Variants in CEP290 observed in about 807,000 individuals in gnomAD.
The protein encoded by CEP290 is centrosomal protein of 290 kDa.
In CEP290, 317 loss-of-function variants were observed where a neutral mutation model predicts 344.9. That is an observed-to-expected ratio of 0.92 (90% confidence interval 0.84 to 1.01). CEP290 has a LOEUF of 1.01. Ranked by LOEUF, CEP290 falls within the 50% of genes least tolerant of loss-of-function variation. The pLI, the probability that CEP290 is intolerant of heterozygous loss-of-function variation, is 0.00. For missense variants in CEP290, 2,754 were observed against 2,761.4 expected (o/e 1.00, Z 0.06); for synonymous variants, 932 against 895.8 (o/e 1.04, Z -0.72).
chr12:88,091,528 A>G (rs1207656135), intron 29 of CEP290, among the ~76,000 whole-genome samples: 1 of 152,282 alleles, frequency 6.6e-6, no homozygotes, highest in East Asian at 1.9e-4. Context: ...GAATAATTTT[A>G]GTTCAGTATT....
At chr12:88,051,999 C>T (rs1241135886) in intron 52 of CEP290, among the ~76,000 whole-genome samples, 3 of 152,118 alleles carry the variant, frequency 2.0e-5, no homozygotes, top group Non-Finnish European at 4.4e-5. Context: ...TCCTAGCTGG[C>T]TTAGGGAATG....
chr12:88,121,873 T>C (rs79334042), intron 13 of CEP290, among the ~76,000 whole-genome samples: 1 of 152,264 alleles, frequency 6.6e-6, no homozygotes, highest in Non-Finnish European at 1.5e-5. Flanking sequence ...TAAATTATTG[T>C]ATTATGCTTG....
At chr12:88,132,085 C>A (rs971614737) in intron 6 of CEP290, among the ~76,000 whole-genome samples, 5 of 152,158 alleles carry the variant, frequency 3.3e-5, no homozygotes, top group African/African-American at 1.2e-4. Context: ...ATACAGAGTT[C>A]TTAGAAAAAT....
Position 88,111,285 on chromosome 12 carries a change from C to T in CEP290, c.2284G>A (p.Gly762Arg), listed in dbSNP as rs1355023474. 1.3e-6 allele frequency: 2 copies of T among 1,557,092 alleles called. No individual in the cohort carries two copies. Among genetic ancestry groups the T allele is most frequent in the South Asian group, 2.4e-5 (2 of 82,988 alleles). The change falls in exon 22 of 54, where the codon GGA (glycine) becomes AGA (arginine). Residue 762 changes from glycine to arginine, a missense_variant. Gly to Arg is a moderately radical substitution (Grantham distance 125). Coordinates refer to ENST00000552810, the MANE Select transcript of CEP290 (RefSeq NM_025114.4). ...GCTATCCCATCAGGTAAGTCAATTCCTTTAAAAACAACATTTGATCCTTCT... is the reference window on the plus strand; with the variant it reads ...GCTATCCCATCAGGTAAGTCAATTCTTTTAAAAACAACATTTGATCCTTCT... ...QSEGSNVVFK[G>R]IDLPDGIAPS...
At chr12:88,093,268 A>T (rs957261271) in intron 28 of CEP290, among the ~76,000 whole-genome samples, 1 of 152,144 alleles carries the variant, frequency 6.6e-6, no homozygotes, top group Non-Finnish European at 1.5e-5. Flanking sequence ...AAGGTAAGCA[A>T]ACACTGTAAG....
chr12:88,104,700 G>A (rs2038144986), intron 25 of CEP290, among the ~76,000 whole-genome samples: 2 of 151,982 alleles, frequency 1.3e-5, no homozygotes, highest in African/African-American at 4.8e-5. Flanking sequence ...TACATTCTCA[G>A]CAAGATATAT....
At chr12:88,104,431 C>A (rs2038123838) in intron 25 of CEP290, among the ~76,000 whole-genome samples, 1 of 151,704 alleles carries the variant, frequency 6.6e-6, no homozygotes, top group Non-Finnish European at 1.5e-5. Flanking sequence ...GTTTATGTTT[C>A]CAAAAAGGAA....
chr12:88,123,541 A>G (rs1565904817), intron 13 of CEP290, among the ~76,000 whole-genome samples: 1 of 151,942 alleles, frequency 6.6e-6, no homozygotes, highest in Non-Finnish European at 1.5e-5. Context: ...AGGGCTCTCC[A>G]TACTCCTGCT....
In CEP290 at chr12:88,111,344, T is replaced by C. The variant is rs924082284; in HGVS notation, c.2225A>G (p.His742Arg). ...QLAKANLKID[H>R]LEKETSLLRQ... ...TAAAAGACTAGTTTCTTTTTCAAGATGGTCTATCTGGAAAAAAAAATCCAG... is the reference window on the plus strand; with the variant it reads ...TAAAAGACTAGTTTCTTTTTCAAGACGGTCTATCTGGAAAAAAAAATCCAG... The change falls in exon 22 of 54, where the codon CAT becomes CGT. Residue 742 changes from histidine to arginine, a missense_variant. His to Arg is a conservative substitution (Grantham distance 29). Transcript: ENST00000552810. The C allele has an allele frequency of 7.7e-6, 12 of 1,561,676 alleles. No homozygotes were observed. The highest frequency in any genetic ancestry group is 9.5e-6 in the Non-Finnish European group (11 of 1,155,906).
At chr12:88,087,517 A>G (rs933301153) in intron 32 of CEP290, among the ~76,000 whole-genome samples, 1 of 151,780 alleles carries the variant, frequency 6.6e-6, no homozygotes, top group Non-Finnish European at 1.5e-5. Context: ...TCAGGAGATC[A>G]AGACCATCCT....
chr12:88,088,917 C>T (rs576633569), intron 31 of CEP290, 115 bp downstream of exon 31: 8 of 633,702 alleles, frequency 1.3e-5, no homozygotes, highest in African/African-American at 1.1e-4. Flanking sequence ...GAGGCTGAGG[C>T]TAGAGAGTCC....
intron 6 of CEP290, among the ~76,000 whole-genome samples, chr12:88,134,710 A>G (rs1172468324): frequency 6.6e-6 from 1 of 152,204 alleles, no homozygotes; most frequent in Non-Finnish European, 1.5e-5. Context: ...ACTATCTCAT[A>G]TGACAAGTAT....
intron 30 of CEP290, among the ~76,000 whole-genome samples, chr12:88,090,505 C>T (rs2036944416): frequency 6.6e-6 from 1 of 152,124 alleles, no homozygotes; most frequent in Admixed American, 6.5e-5. Context: ...TGGCACGTGC[C>T]TGTAGTCCCA....
chr12:88,089,589 CAGT>C, intron 30 of CEP290, 102 bp from the exon 31 acceptor site: 1 of 793,380 alleles, frequency 1.3e-6, no homozygotes, highest in South Asian at 2.8e-5. Flanking sequence ...AGTTTTAACA[CAGT>C]GGCACATGAG....
intron 41 of CEP290, among the ~76,000 whole-genome samples, 158 bp from the exon 42 acceptor site, chr12:88,072,084 C>T (rs1376746984): frequency 9.2e-5 from 14 of 152,116 alleles, no homozygotes; most frequent in South Asian, 2.1e-4. Context: ...GTATCCCTTA[C>T]GAAACGCTTG....
Position 88,107,110 on chromosome 12 carries a change from A to C in CEP290, c.2484-12T>G. 6.9e-7 allele frequency: 1 copy of C among 1,443,588 alleles called. No homozygotes were observed. Among genetic ancestry groups the C allele is most frequent in the Non-Finnish European group, 9.3e-7 (1 of 1,071,138 alleles). 89.4% of individuals were successfully genotyped at this position (1,443,588 alleles called of 1,614,324 possible). ...AGGTCTCCTTTTCACTAAAAACAAAACAAAACAAAAAGACAATACTGTAAA... is the reference window on the plus strand; with the variant it reads ...AGGTCTCCTTTTCACTAAAAACAAACCAAAACAAAAAGACAATACTGTAAA... On this transcript the variant is annotated splice_polypyrimidine_tract_variant and intron_variant, in intron 23 of 53. Transcript: ENST00000552810.
Position 88,129,840 on chromosome 12 carries a change from T to A in CEP290, c.706A>T (p.Asn236Tyr). 1 of 1,461,504 alleles carries A rather than the reference T, an allele frequency of 6.8e-7. No individual in the cohort carries two copies. The highest frequency in any genetic ancestry group is 9.0e-7 in the Non-Finnish European group (1 of 1,108,118). 90.5% of individuals were successfully genotyped at this position (1,461,504 alleles called of 1,614,324 possible). A position where few individuals can be genotyped will look rare whatever the true frequency, so the allele number is the denominator to read the frequency against. The change falls in exon 10 of 54, where the codon AAT becomes TAT. Residue 236 changes from asparagine (N) to tyrosine (Y), a missense_variant. Physicochemically the swap from Asn to Tyr is moderately radical, Grantham distance 143 (BLOSUM62 -2). Coordinates refer to ENST00000552810, the MANE Select transcript of CEP290 (RefSeq NM_025114.4). ...TEANEKIEVQ[N>Y]QEMRKNLEES... Reference sequence around the variant, plus strand: ...TCTAAATTTTTTCTCATTTCTTGATTCTGAACTTCAATTTTCTCATTAGCT... The same window carrying A: ...TCTAAATTTTTTCTCATTTCTTGATACTGAACTTCAATTTTCTCATTAGCT...
In CEP290 at chr12:88,086,087, G is replaced by A; in HGVS notation, c.4389C>T (p.Asn1463=). The change falls in exon 34 of 54, where the codon AAC becomes AAT. Residue 1463 remains asparagine, a synonymous_variant. Coordinates refer to ENST00000552810, the MANE Select transcript of CEP290 (RefSeq NM_025114.4). ...LEIALRKIKE[N]IRIILETRAT... ...CCCGTGTTTCTAGAATTATTCGAAT[G>A]TTCTCCTTAATTTTCCTTAGAGCGA... The A allele has an allele frequency of 6.2e-7, 1 of 1,612,978 alleles. No homozygotes were observed. Among genetic ancestry groups the A allele is most frequent in the Non-Finnish European group, 8.5e-7 (1 of 1,179,516 alleles).
chr12:88,060,485 G>A (rs1372957037), intron 47 of CEP290, among the ~76,000 whole-genome samples: 4 of 152,098 alleles, frequency 2.6e-5, no homozygotes, highest in Non-Finnish European at 4.4e-5. Context: ...GCATGAACCC[G>A]GGAGGCAGAG....
Sources: gnomAD v4.1 joint callset for allele counts (sites outside exome capture counted in the v4.1 genomes callset) on GRCh38, gnomAD v4.1.1 for gene constraint, MANE v1.5 for transcripts, NCBI Gene and HGNC (gene_info 2026-07-23, HGNC 2026-07-21) for gene names.